The following PACRG variants were observed in gnomAD, a reference collection of about 807,000 sequenced individuals.
The protein encoded by PACRG is parkin coregulated gene protein.
PACRG carries 29 observed loss-of-function variants against 29.7 expected under a neutral mutation model. The observed-to-expected ratio is 0.98, with a 90% CI of 0.73 to 1.33. The LOEUF (loss-of-function observed/expected upper bound fraction) is 1.33, where lower values mean the gene tolerates loss of function less well. PACRG is among the 40% of genes most tolerant of loss of function. PACRG has a pLI of 0.00. For missense variants in PACRG, 279 were observed against 316.2 expected, an observed-to-expected ratio of 0.88 and a Z score of 0.89; for synonymous variants, 116 against 118.7, an observed-to-expected ratio of 0.98 and a Z score of 0.15.
intron 4 of PACRG, among the ~76,000 whole-genome samples, chr6:163,097,695 A>G (rs1021637362): frequency 1.3e-5 from 2 of 152,210 alleles, no homozygotes; most frequent in Non-Finnish European, 1.5e-5. Context: ...GGGTTCAAAG[A>G]GTTCCTGATT....
chr6:162,872,662 G>A (rs554782455), intron 2 of PACRG, among the ~76,000 whole-genome samples: 1 of 152,270 alleles, frequency 6.6e-6, no homozygotes, highest in African/African-American at 2.4e-5. Flanking sequence ...GAGGGAGGGA[G>A]GGAGGTAATT....
Position 163,089,263 on chromosome 6 carries a change from C to T in PACRG, c.468C>T (p.Ala156=), listed in dbSNP as rs375336076. Residue 156 remains alanine (A), a synonymous_variant, in exon 4 of 5, where the codon GCC becomes GCT. Transcript: ENST00000366888. The part of the protein sequence containing the change: ...LPQLIIPIKN[A]LNLRNRQVIC... ...GGTCCTTCTTTTACCATATAGATGCCTTGAACCTCCGAAACCGACAGGTCA... is the reference window on the plus strand; with the variant it reads ...GGTCCTTCTTTTACCATATAGATGCTTTGAACCTCCGAAACCGACAGGTCA... 1.2e-6 allele frequency: 2 copies of T among 1,613,474 alleles called. No homozygotes were observed. The highest frequency in any genetic ancestry group is 1.7e-5 in the Admixed American group (1 of 59,960).
chr6:162,976,455 A>G (rs879281021), intron 2 of PACRG, among the ~76,000 whole-genome samples: 2 of 152,144 alleles, frequency 1.3e-5, no homozygotes, highest in African/African-American at 2.4e-5. Flanking sequence ...AGGGGGGAAG[A>G]AAGGTAGTTG....
At chr6:163,219,060 C>G (rs1781475833) in intron 4 of PACRG, among the ~76,000 whole-genome samples, 1 of 152,240 alleles carries the variant, frequency 6.6e-6, no homozygotes, top group South Asian at 2.1e-4. Flanking sequence ...ATTTTATACA[C>G]AGATGACAGA....
intron 2 of PACRG, among the ~76,000 whole-genome samples, chr6:162,900,666 C>T (rs974604803): frequency 2.0e-5 from 3 of 152,172 alleles, no homozygotes; most frequent in South Asian, 2.1e-4. Context: ...TCTTATTCCT[C>T]AGGCTCCAAA....
intron 3 of PACRG, among the ~76,000 whole-genome samples, chr6:163,068,709 T>TGA (rs1194166725): frequency 6.6e-6 from 1 of 152,126 alleles, no homozygotes; most frequent in Non-Finnish European, 1.5e-5. Flanking sequence ...TTCTATTTCC[T>TGA]GAGAAATGTC....
intron 3 of PACRG, among the ~76,000 whole-genome samples, chr6:163,074,630 T>C (rs1333869604): frequency 3.9e-5 from 5 of 129,424 alleles, no homozygotes; most frequent in African/African-American, 1.7e-4. Flanking sequence ...ATGCGATTAT[T>C]ACACATTGCA....
chr6:163,082,700 G>C (rs1339257284), intron 3 of PACRG, among the ~76,000 whole-genome samples: 1 of 152,066 alleles, frequency 6.6e-6, no homozygotes, highest in Non-Finnish European at 1.5e-5. Flanking sequence ...ATGCTTTATA[G>C]TTTACTTCTT....
At chr6:162,992,934 T>C (rs1478027074) in intron 2 of PACRG, among the ~76,000 whole-genome samples, 3 of 152,032 alleles carry the variant, frequency 2.0e-5, no homozygotes, top group Non-Finnish European at 4.4e-5. Flanking sequence ...GATTCTGGTA[T>C]GTTGTGTCTC....
chr6:163,168,030 A>G (rs959445823), intron 4 of PACRG, among the ~76,000 whole-genome samples: 1 of 152,104 alleles, frequency 6.6e-6, no homozygotes, highest in African/African-American at 2.4e-5. Flanking sequence ...GATTGTATGT[A>G]TTTTCATATT....
chr6:162,799,355 T>A (rs933626257), intron 1 of PACRG, among the ~76,000 whole-genome samples: 2 of 152,242 alleles, frequency 1.3e-5, no homozygotes, highest in Non-Finnish European at 2.9e-5. Flanking sequence ...ATTCTTAATA[T>A]TTCTTTCATG....
At chr6:163,219,291 C>T (rs891211727) in intron 4 of PACRG, among the ~76,000 whole-genome samples, 1 of 152,174 alleles carries the variant, frequency 6.6e-6, no homozygotes, top group Admixed American at 6.5e-5. Context: ...TTATTCTTCT[C>T]TAATCCTTAT....
chr6:163,208,868 G>A (rs774996080), intron 4 of PACRG, among the ~76,000 whole-genome samples: 3 of 152,150 alleles, frequency 2.0e-5, no homozygotes, highest in East Asian at 1.9e-4. Flanking sequence ...GTCTAATGCC[G>A]AATGTTAGAT....
At chr6:163,125,818 T>C (rs1428104884) in intron 4 of PACRG, among the ~76,000 whole-genome samples, 3 of 152,212 alleles carry the variant, frequency 2.0e-5, no homozygotes, top group Non-Finnish European at 2.9e-5. Context: ...CCTAGGAAAC[T>C]ATCCCACAAG....
intron 2 of PACRG, among the ~76,000 whole-genome samples, chr6:163,003,961 G>A (rs570367429): frequency 6.6e-6 from 1 of 152,122 alleles, no homozygotes; most frequent in South Asian, 2.1e-4. Context: ...CTTTCCACTT[G>A]GACTTGCTTA....
intron 4 of PACRG, among the ~76,000 whole-genome samples, chr6:163,227,787 C>T (rs893723377): frequency 2.6e-5 from 4 of 152,078 alleles, no homozygotes; most frequent in Admixed American, 6.6e-5. Flanking sequence ...CTCCCTGTGG[C>T]GAGAATGAAA....
intron 1 of PACRG, among the ~76,000 whole-genome samples, chr6:162,749,125 A>G (rs1430627329): frequency 6.6e-6 from 1 of 152,218 alleles, no homozygotes; most frequent in African/African-American, 2.4e-5. Context: ...ATTGCTGGAA[A>G]GGATTCCATT....
chr6:163,010,224 A>G (rs887944534), intron 2 of PACRG, among the ~76,000 whole-genome samples: 1 of 152,238 alleles, frequency 6.6e-6, no homozygotes, highest in Non-Finnish European at 1.5e-5. Context: ...CTGTTCTTTA[A>G]TTGTTGTTTT....
At chr6:162,812,986 TCAACTC>T (rs1474034823) in intron 1 of PACRG, among the ~76,000 whole-genome samples, 1 of 152,052 alleles carries the variant, frequency 6.6e-6, no homozygotes, top group Non-Finnish European at 1.5e-5. Flanking sequence ...ACCTCACTCT[TCAACTC>T]CACTTCAGCA....
Sources: gnomAD v4.1 joint callset for allele counts (sites outside exome capture counted in the v4.1 genomes callset) on GRCh38, gnomAD v4.1.1 for gene constraint, MANE v1.5 for transcripts, NCBI Gene and HGNC (gene_info 2026-07-23, HGNC 2026-07-21) for gene names.